Variants in KCNMA1 observed in about 807,000 individuals in gnomAD.
KCNMA1 encodes potassium calcium-activated channel subfamily M alpha 1.
Under a neutral mutation model 140.0 loss-of-function variants are expected in KCNMA1, and 29 were observed. The ratio of observed to expected loss-of-function variants is 0.21; its 90% confidence interval spans 0.15 to 0.28. KCNMA1 has a LOEUF of 0.28. KCNMA1 is among the 10% of genes least tolerant of loss of function. The pLI, the probability that KCNMA1 is intolerant of heterozygous loss-of-function variation, is 1.00. For missense variants in KCNMA1, 880 were observed against 1,602.2 expected (o/e 0.55, Z 7.70); for synonymous variants, 612 against 611.9 (o/e 1.00, Z 0.00).
rs1296720288 is a variant in KCNMA1, at chr10:77,382,901, T to C, written c.540+20961A>G. ...AAAAAAAAAAATATATATATATATA[T>C]ATACACACACACACACACATACATA... On this transcript the variant is annotated intron_variant, in intron 2 of 27. Transcript: ENST00000286628. Among the ~76,000 whole-genome samples the C allele has an allele frequency of 2.1e-3, 247 of 118,728 alleles. 1 individual carries two copies. The highest frequency in any genetic ancestry group is 3.5e-3 in the African/African-American group (106 of 30,634). 77.9% of individuals were successfully genotyped at this position (118,728 alleles called of 152,430 possible).
intron 2 of KCNMA1, among the ~76,000 whole-genome samples, chr10:77,353,834 A>G (rs1272499589): frequency 6.6e-6 from 1 of 152,204 alleles, no homozygotes; most frequent in Non-Finnish European, 1.5e-5. Flanking sequence ...TTATTTCTTG[A>G]TCCAGGCTTA....
intron 1 of KCNMA1, among the ~76,000 whole-genome samples, chr10:77,449,315 G>A (rs16934801): frequency 0.074 from 11,300 of 152,016 alleles, 552 homozygotes; most frequent in Admixed American, 0.14. Context: ...GATAAACTAG[G>A]GTGATGCTAT....
intron 5 of KCNMA1, among the ~76,000 whole-genome samples, chr10:77,160,935 A>G (rs2098547252): frequency 6.6e-6 from 1 of 151,944 alleles, no homozygotes; most frequent in Admixed American, 6.6e-5. Context: ...ATCTGCTTTC[A>G]CTCTCACCAT....
At chr10:76,981,291 T>C (rs2079358772) in intron 19 of KCNMA1, among the ~76,000 whole-genome samples, 2 of 152,134 alleles carry the variant, frequency 1.3e-5, no homozygotes, top group African/African-American at 4.8e-5. Flanking sequence ...TTGTTTCATA[T>C]GGCCCCAATG....
chr10:77,482,991 TACAC>T (rs56364046), intron 1 of KCNMA1, among the ~76,000 whole-genome samples: 15,260 of 126,486 alleles, frequency 0.12, 1,121 homozygotes, highest in Non-Finnish European at 0.15. Context: ...CTCTCTCACA[TACAC>T]ACACACACAC....
intron 3 of KCNMA1, among the ~76,000 whole-genome samples, chr10:77,238,166 G>C (rs1210552912): frequency 1.3e-5 from 2 of 152,170 alleles, no homozygotes; most frequent in South Asian, 2.1e-4. Flanking sequence ...CTGGTCTGAA[G>C]ACTGATTGGA....
chr10:77,425,517 C>A (rs1185202751), intron 1 of KCNMA1, among the ~76,000 whole-genome samples: 4 of 152,120 alleles, frequency 2.6e-5, no homozygotes, highest in Non-Finnish European at 5.9e-5. Context: ...GCTGAGGGGC[C>A]CTGCCTTCTC....
intron 17 of KCNMA1, among the ~76,000 whole-genome samples, chr10:77,015,799 G>A (rs1043657684): frequency 6.6e-6 from 1 of 151,792 alleles, no homozygotes; most frequent in Admixed American, 6.6e-5. Flanking sequence ...TCATTGGGGG[G>A]TTCTGCACAC....
At chr10:76,960,845 T>G (rs1282947794) in intron 20 of KCNMA1, among the ~76,000 whole-genome samples, 1 of 151,978 alleles carries the variant, frequency 6.6e-6, no homozygotes, top group Non-Finnish European at 1.5e-5. Context: ...TACAGCATGA[T>G]CTACTGAATA....
At chr10:77,234,813 T>C (rs1041426540) in intron 3 of KCNMA1, among the ~76,000 whole-genome samples, 6 of 152,188 alleles carry the variant, frequency 3.9e-5, no homozygotes, top group Admixed American at 1.3e-4. Context: ...AGAGTTGGGA[T>C]TTGCAACCAA....
intron 2 of KCNMA1, among the ~76,000 whole-genome samples, chr10:77,356,258 C>G (rs2154395733): frequency 6.6e-6 from 1 of 152,212 alleles, no homozygotes; most frequent in East Asian, 1.9e-4. Context: ...TAAAATAGGG[C>G]TAATTGTATA....
intron 2 of KCNMA1, among the ~76,000 whole-genome samples, chr10:77,368,346 C>T (rs2094489682): frequency 6.6e-6 from 1 of 152,150 alleles, no homozygotes; most frequent in South Asian, 2.1e-4. Context: ...CCTCTTTGAT[C>T]ATGTGTCTAT....
intron 2 of KCNMA1, among the ~76,000 whole-genome samples, chr10:77,367,402 T>C (rs564894170): frequency 6.6e-6 from 1 of 152,312 alleles, no homozygotes; most frequent in South Asian, 2.1e-4. Context: ...GAGCTGAATC[T>C]GCATGTTACG....
chr10:76,975,711 G>C (rs2077286928), intron 19 of KCNMA1, among the ~76,000 whole-genome samples: 1 of 152,174 alleles, frequency 6.6e-6, no homozygotes, highest in Admixed American at 6.5e-5. Flanking sequence ...AGAGTTTCTT[G>C]CCTGACAACC....
intron 1 of KCNMA1, among the ~76,000 whole-genome samples, chr10:77,412,079 C>G (rs1385187653): frequency 6.6e-6 from 1 of 152,182 alleles, no homozygotes; most frequent in Non-Finnish European, 1.5e-5. Flanking sequence ...ATCAGGTTAG[C>G]ACAAAACCAT....
chr10:77,267,418 C>A (rs1329280609), intron 2 of KCNMA1, among the ~76,000 whole-genome samples: 1 of 152,162 alleles, frequency 6.6e-6, no homozygotes, highest in African/African-American at 2.4e-5. Flanking sequence ...GGACTCCCTG[C>A]CTTTGTTCTT....
At chr10:77,539,530 G>T (rs990570801) in intron 1 of KCNMA1, among the ~76,000 whole-genome samples, 3 of 152,170 alleles carry the variant, frequency 2.0e-5, no homozygotes, top group African/African-American at 7.2e-5. Flanking sequence ...ATTCCCTCAA[G>T]AATGAACCCA....
intron 2 of KCNMA1, among the ~76,000 whole-genome samples, chr10:77,388,086 C>T (rs188694041): frequency 6.6e-6 from 1 of 152,306 alleles, no homozygotes; most frequent in Admixed American, 6.5e-5. Context: ...TCTTCTAATC[C>T]TTAAACACTA....
intron 2 of KCNMA1, among the ~76,000 whole-genome samples, chr10:77,372,690 A>G (rs1234805243): frequency 6.6e-6 from 1 of 152,166 alleles, no homozygotes; most frequent in South Asian, 2.1e-4. Context: ...CCAAGTCATA[A>G]CTGGACATAA....
Sources: gnomAD v4.1 joint callset for allele counts (sites outside exome capture counted in the v4.1 genomes callset) on GRCh38, gnomAD v4.1.1 for gene constraint, MANE v1.5 for transcripts, NCBI Gene and HGNC (gene_info 2026-07-23, HGNC 2026-07-21) for gene names.